MTTP: variants seen among roughly 807,000 people sequenced by gnomAD.
MTTP encodes the protein microsomal triglyceride transfer protein large subunit.
MTTP carries 49 observed loss-of-function variants against 90.6 expected under a neutral mutation model. That is an observed-to-expected ratio of 0.54 (90% confidence interval 0.43 to 0.69). MTTP has a LOEUF of 0.69. Among genes scored for constraint, MTTP ranks in the 30% least tolerant of loss-of-function variants. The pLI is 0.00. For missense variants in MTTP, 945 were observed against 1,067.5 expected (o/e 0.89, Z 1.60); for synonymous variants, 347 against 384.2 (o/e 0.90, Z 1.13).
intron 10 of MTTP, among the ~76,000 whole-genome samples, chr4:99,606,092 C>G (rs1227504569): frequency 6.6e-6 from 1 of 152,080 alleles, no homozygotes; most frequent in Non-Finnish European, 1.5e-5. Context: ...ACCCAGATGT[C>G]CCTATTTCTA....
intron 3 of MTTP, 93 bp downstream of exon 3, chr4:99,583,610 T>C (rs1449935342): frequency 7.0e-7 from 1 of 1,419,344 alleles, no homozygotes; most frequent in East Asian, 2.3e-5. Context: ...ACATTGTAAC[T>C]ACTTTTATGG....
At position 99,574,895 on chromosome 4, in the gene MTTP, G is replaced by A; in HGVS notation, c.-15G>A. The A allele has an allele frequency of 6.2e-7, 1 of 1,614,118 alleles. No individual in the cohort carries two copies. The highest frequency in any genetic ancestry group is 8.5e-7 in the Non-Finnish European group (1 of 1,179,978). On this transcript the variant is annotated 5_prime_UTR_variant, in exon 1 of 18. Coordinates refer to ENST00000265517, the MANE Select transcript of MTTP (RefSeq NM_001386140.1). ...CTAGCTGGGCACTGGATGCAGTTGA[G>A]GATTGCTGGTCAATATGATTCTTCT... is the stretch of plus-strand genomic sequence containing the variant.
At chr4:99,620,307 TA>T (rs1726198431) in intron 16 of MTTP, among the ~76,000 whole-genome samples, 1 of 152,230 alleles carries the variant, frequency 6.6e-6, no homozygotes, top group Non-Finnish European at 1.5e-5. Context: ...AACTCTCATT[TA>T]ATTGTGAAAG....
chr4:99,583,245 TG>T (rs879914957), intron 2 of MTTP, 128 bp from the exon 3 acceptor site: 17 of 1,070,350 alleles, frequency 1.6e-5, no homozygotes, highest in Admixed American at 9.3e-5. Context: ...CTATAAATCA[TG>T]AATTGAAAAA....
chr4:99,572,974 T>A (rs977515254), upstream of MTTP, among the ~76,000 whole-genome samples: 1 of 152,148 alleles, frequency 6.6e-6, no homozygotes, highest in African/African-American at 2.4e-5. Flanking sequence ...CTTAATACAG[T>A]GACTCATAGG....
chr4:99,608,952 A>T lies in MTTP; in HGVS notation c.1744A>T (p.Ile582Phe). 1 of 1,614,158 alleles carries T rather than the reference A, an allele frequency of 6.2e-7. No individual in the cohort carries two copies. Among genetic ancestry groups the T allele is most frequent in the South Asian group, 1.1e-5 (1 of 91,076 alleles). The change falls in exon 12 of 18, where the codon ATC becomes TTC. Residue 582 changes from isoleucine (I) to phenylalanine (F), a missense_variant. Transcript: ENST00000265517. ...NKYMLAIVQD[I>F]LRFEMPASKI... ...ATACATGCTCGCCATTGTTCAAGACATCCTACGTTTTGAAATGCCTGCAAG... is the reference window on the plus strand; with the variant it reads ...ATACATGCTCGCCATTGTTCAAGACTTCCTACGTTTTGAAATGCCTGCAAG...
upstream of MTTP, among the ~76,000 whole-genome samples, chr4:99,571,892 AT>A (rs904352317): frequency 4.6e-5 from 7 of 151,248 alleles, no homozygotes; most frequent in African/African-American, 1.5e-4. Context: ...GTCCTTCTAA[AT>A]TTTTTTTTCA....
chr4:99,578,508 C>T (rs1039187269), intron 1 of MTTP, among the ~76,000 whole-genome samples: 2 of 152,140 alleles, frequency 1.3e-5, no homozygotes, highest in Non-Finnish European at 2.9e-5. Context: ...CCGTTTTAGG[C>T]TTTATCTCCT....
At chr4:99,597,529 G>C (rs1286692812) in intron 8 of MTTP, among the ~76,000 whole-genome samples, 1 of 152,070 alleles carries the variant, frequency 6.6e-6, no homozygotes, top group Non-Finnish European at 1.5e-5. Flanking sequence ...GACATCGTGG[G>C]GCATGTGCTG....
intron 1 of MTTP, among the ~76,000 whole-genome samples, chr4:99,581,446 G>T (rs1264799674): frequency 1.3e-5 from 2 of 152,130 alleles, no homozygotes; most frequent in African/African-American, 4.8e-5. Context: ...TATCAAAAAT[G>T]TCCAAATTAA....
rs563138284 is a variant in MTTP at position 99,580,574 on chromosome 4, C to CAA, written c.62-1306_62-1305dup. ...TGGCCGACAGAGTGAGACTCTGTCTCAAAAAAAAAAAAAAAAAAAAAAAAA... is the reference window on the plus strand; with the variant it reads ...TGGCCGACAGAGTGAGACTCTGTCTCAAAAAAAAAAAAAAAAAAAAAAAAAAA... On this transcript the variant is annotated intron_variant, in intron 1 of 17. Transcript: ENST00000265517. Among the ~76,000 whole-genome samples, 272 of 39,844 alleles carry CAA rather than the reference C, an allele frequency of 6.8e-3. 29 individuals carry two copies. Among genetic ancestry groups the CAA allele is most frequent in the African/African-American group, 0.013 (160 of 12,362 alleles). 26.1% of individuals were successfully genotyped at this position (39,844 alleles called of 152,430 possible).
chr4:99,610,065 T>G (rs1725913647), intron 12 of MTTP, among the ~76,000 whole-genome samples: 1 of 152,012 alleles, frequency 6.6e-6, no homozygotes, highest in South Asian at 2.1e-4. Flanking sequence ...CCAAAAACAT[T>G]AGAGTGGGGA....
intron 1 of MTTP, among the ~76,000 whole-genome samples, chr4:99,581,621 CA>C (rs112469528): frequency 0.26 from 39,762 of 150,772 alleles, 5,376 homozygotes; most frequent in South Asian, 0.35. Flanking sequence ...GGCATTTAAA[CA>C]AAAAAAAACC....
Position 99,606,910 on chromosome 4 carries a change from C to T in MTTP, c.1507C>T (p.Leu503=). 1 of 1,613,896 alleles carries T rather than the reference C, an allele frequency of 6.2e-7. No homozygotes were observed. The highest frequency in any genetic ancestry group is 1.1e-5 in the South Asian group (1 of 91,066). ...AGCAGGAGAAGGGCCCATCAGCCAC[C>T]TGGCTACCACTGCTCTCCAGAGATA... ...AEAGEGPISH[L]ATTALQRYDL... is the part of the protein sequence containing the mutation. Residue 503 remains leucine (L), a synonymous_variant, in exon 11 of 18, where the codon CTG becomes TTG. Transcript: ENST00000265517.
chr4:99,608,231 G>A (rs1725866349), intron 11 of MTTP, among the ~76,000 whole-genome samples: 1 of 152,126 alleles, frequency 6.6e-6, no homozygotes, highest in African/African-American at 2.4e-5. Flanking sequence ...TGGATCACGA[G>A]GTCAGGAATT....
chr4:99,602,286 A>G (rs573698629), intron 10 of MTTP, among the ~76,000 whole-genome samples: 285 of 152,204 alleles, frequency 1.9e-3, no homozygotes, highest in Middle Eastern at 6.8e-3. Context: ...TGGACTATCA[A>G]TTTTCACGTC....
At chr4:99,591,089 G>T in intron 4 of MTTP, 146 bp from the exon 5 acceptor site, 1 of 695,648 alleles carries the variant, frequency 1.4e-6, no homozygotes. Flanking sequence ...CAGAAACCTT[G>T]TTCTTGTCTT....
chr4:99,580,574 C>CAAAAAAAA lies in MTTP; in HGVS notation c.62-1312_62-1305dup, dbSNP rs563138284. 1.1e-3 allele frequency among the ~76,000 whole-genome samples: 42 copies of CAAAAAAAA among 39,890 alleles called. 3 individuals carry two copies. The highest frequency in any genetic ancestry group is 1.8e-3 in the African/African-American group (22 of 12,368). 26.2% of individuals were successfully genotyped at this position (39,890 alleles called of 152,430 possible). A position where few individuals can be genotyped will look rare whatever the true frequency, so the allele number is the denominator to read the frequency against. On this transcript the variant is annotated intron_variant, in intron 1 of 17. Coordinates refer to ENST00000265517, the MANE Select transcript of MTTP (RefSeq NM_001386140.1). ...TGGCCGACAGAGTGAGACTCTGTCT[C>CAAAAAAAA]AAAAAAAAAAAAAAAAAAAAAAAAA...
At chr4:99,597,820 A>G (rs1725595291) in intron 8 of MTTP, among the ~76,000 whole-genome samples, 1 of 152,252 alleles carries the variant, frequency 6.6e-6, no homozygotes, top group African/African-American at 2.4e-5. Context: ...TTTTTCCCCA[A>G]AACATTGCAT....
Sources: gnomAD v4.1 joint callset for allele counts (sites outside exome capture counted in the v4.1 genomes callset) on GRCh38, gnomAD v4.1.1 for gene constraint, MANE v1.5 for transcripts, NCBI Gene and HGNC (gene_info 2026-07-23, HGNC 2026-07-21) for gene names.